NT5DC3: variants seen among roughly 807,000 people sequenced by gnomAD.
NT5DC3 encodes the protein 5'-nucleotidase domain containing 3.
A neutral mutation model predicts 67.8 loss-of-function variants in NT5DC3; 42 were observed. The observed-to-expected ratio is 0.62, with a 90% CI of 0.48 to 0.80. The LOEUF (loss-of-function observed/expected upper bound fraction) is 0.80. NT5DC3 is among the 30% of genes least tolerant of loss of function. The pLI, the probability that NT5DC3 is intolerant of heterozygous loss-of-function variation, is 0.00. For missense variants in NT5DC3, 570 were observed against 696.4 expected (o/e 0.82, Z 2.04); for synonymous variants, 237 against 255.6 (o/e 0.93, Z 0.69).
intron 6 of NT5DC3, among the ~76,000 whole-genome samples, chr12:103,794,423 T>G (rs1226450502): frequency 6.6e-6 from 1 of 152,212 alleles, no homozygotes; most frequent in Non-Finnish European, 1.5e-5. Context: ...GTGCTGGGAT[T>G]GCAGGCATGA....
the NT5DC3 span, chr12:103,763,524 C>A: frequency 2.5e-6 from 4 of 1,614,066 alleles, no homozygotes; most frequent in Non-Finnish European, 3.4e-6. Context: ...CAGCTCTTGG[C>A]AAGCAGCAGC....
intron 6 of NT5DC3, 123 bp from the exon 7 acceptor site, chr12:103,794,120 C>A: frequency 4.5e-5 from 27 of 605,290 alleles, no homozygotes; most frequent in East Asian, 2.5e-4. Context: ...AGGCCCTACA[C>A]AAAATCTAAA....
At chr12:103,782,671 G>A (rs145443166) in intron 12 of NT5DC3, among the ~76,000 whole-genome samples, 242 of 152,282 alleles carry the variant, frequency 1.6e-3, no homozygotes, top group African/African-American at 5.7e-3. Flanking sequence ...ATGAACCACA[G>A]CCATTTTGGA....
intron 6 of NT5DC3, among the ~76,000 whole-genome samples, chr12:103,795,420 C>T (rs139771940): frequency 4.1e-4 from 62 of 152,150 alleles, no homozygotes; most frequent in African/African-American, 1.1e-3. Flanking sequence ...ATCAACATCT[C>T]GCCTTATGAA....
chr12:103,757,029 A>AAAG, the NT5DC3 span, among the ~76,000 whole-genome samples: 1 of 144,178 alleles, frequency 6.9e-6, no homozygotes, highest in Non-Finnish European at 1.5e-5. Context: ...ATATATATAT[A>AAAG]TAAAATATAT....
the NT5DC3 span, chr12:103,755,774 G>A: frequency 6.5e-7 from 1 of 1,546,028 alleles, no homozygotes; most frequent in East Asian, 2.2e-5. Flanking sequence ...CCTCAAAGCA[G>A]GTATTAGAGG....
At chr12:103,803,323 T>C (rs1162268001) in intron 4 of NT5DC3, among the ~76,000 whole-genome samples, 1 of 152,204 alleles carries the variant, frequency 6.6e-6, no homozygotes, top group Non-Finnish European at 1.5e-5. Flanking sequence ...AATGGTACAA[T>C]CTGGAGGTAA....
intron 1 of NT5DC3, among the ~76,000 whole-genome samples, chr12:103,835,195 G>A (rs535815192): frequency 1.6e-4 from 25 of 152,214 alleles, no homozygotes; most frequent in African/African-American, 5.5e-4. Context: ...CCCACTGCTG[G>A]GTGCTTAATA....
intron 4 of NT5DC3, 148 bp downstream of exon 4, chr12:103,806,174 G>T: frequency 1.6e-6 from 1 of 644,848 alleles, no homozygotes. Flanking sequence ...ATGGTAGCAG[G>T]CCTCAACAAA....
intron 2 of NT5DC3, among the ~76,000 whole-genome samples, chr12:103,813,212 G>A (rs1265626461): frequency 6.6e-6 from 1 of 152,216 alleles, no homozygotes; most frequent in East Asian, 1.9e-4. Context: ...CACCTTTTAG[G>A]GGGTAGTGAA....
rs138728897 is a variant in NT5DC3, at chr12:103,806,914, T to C, written c.409A>G (p.Arg137Gly). ...AAATTTGGGTCATACTCATACTTCCTGATTTCTGCTGGATACTAAGAAAGA... is the reference window on the plus strand; with the variant it reads ...AAATTTGGGTCATACTCATACTTCCCGATTTCTGCTGGATACTAAGAAAGA... ...INEHRYPAEI[R>G]KYEYDPNFAI... Residue 137 changes from arginine (R) to glycine (G), a missense_variant, in exon 3 of 14, where the codon AGG becomes GGG. Coordinates refer to ENST00000392876, the MANE Select transcript of NT5DC3 (RefSeq NM_001031701.3). The C allele has an allele frequency of 2.8e-5, 45 of 1,599,820 alleles. No homozygotes were observed. The highest frequency in any genetic ancestry group is 3.8e-5 in the Non-Finnish European group (44 of 1,167,070).
At chr12:103,791,582 G>T (rs1886063558) in intron 9 of NT5DC3, among the ~76,000 whole-genome samples, 1 of 152,118 alleles carries the variant, frequency 6.6e-6, no homozygotes, top group South Asian at 2.1e-4. Context: ...ACCCACTCCT[G>T]GTGGACACAC....
At chr12:103,750,847 T>C in the NT5DC3 span, 3 of 1,307,634 alleles carry the variant, frequency 2.3e-6, no homozygotes, top group African/African-American at 1.5e-5. Context: ...TCCCAATACT[T>C]TGGGAGGCCA....
At chr12:103,783,528 C>T (rs536488123) in intron 12 of NT5DC3, among the ~76,000 whole-genome samples, 72 of 152,214 alleles carry the variant, frequency 4.7e-4, no homozygotes, top group African/African-American at 1.4e-3. Context: ...TAAGTTCTTA[C>T]GACATTTCTA....
chr12:103,832,808 C>T (rs575816767), intron 1 of NT5DC3, among the ~76,000 whole-genome samples: 3 of 152,302 alleles, frequency 2.0e-5, no homozygotes, highest in South Asian at 4.1e-4. Flanking sequence ...TTTCCTAAAG[C>T]GTAACAGAAG....
intron 4 of NT5DC3, 138 bp downstream of exon 4, chr12:103,806,184 A>G: frequency 1.5e-6 from 1 of 660,650 alleles, no homozygotes; most frequent in Non-Finnish European, 2.8e-6. Context: ...GCCTCAACAA[A>G]TGCTCTTGAG....
chr12:103,783,294 A>T (rs1566099599), intron 12 of NT5DC3, among the ~76,000 whole-genome samples: 4 of 152,312 alleles, frequency 2.6e-5, no homozygotes, highest in Admixed American at 2.6e-4. Context: ...AACTCTGTAC[A>T]AAGTGCCAGA....
intron 1 of NT5DC3, among the ~76,000 whole-genome samples, chr12:103,837,698 C>G (rs769179735): frequency 5.9e-5 from 9 of 152,248 alleles, no homozygotes; most frequent in Non-Finnish European, 1.3e-4. Context: ...CAGTTCCCAA[C>G]AAGTTCCTCA....
At chr12:103,765,270 T>C in the NT5DC3 span, among the ~76,000 whole-genome samples, 1 of 152,124 alleles carries the variant, frequency 6.6e-6, no homozygotes, top group Non-Finnish European at 1.5e-5. Flanking sequence ...ATCAGCACCA[T>C]GCATGAAAGA....
Sources: gnomAD v4.1 joint callset for allele counts (sites outside exome capture counted in the v4.1 genomes callset) on GRCh38, gnomAD v4.1.1 for gene constraint, MANE v1.5 for transcripts, NCBI Gene and HGNC (gene_info 2026-07-23, HGNC 2026-07-21) for gene names.